The following GRIN2A variants were observed in gnomAD, a reference collection of about 807,000 sequenced individuals.
GRIN2A encodes the protein glutamate receptor ionotropic, NMDA 2A.
Under a neutral mutation model 113.4 loss-of-function variants are expected in GRIN2A, and 22 were observed. The ratio of observed to expected loss-of-function variants is 0.19; its 90% CI spans 0.14 to 0.28. GRIN2A has a LOEUF of 0.28. GRIN2A is among the 10% of genes least tolerant of loss of function. The pLI, the probability that GRIN2A is intolerant of heterozygous loss-of-function variation, is 1.00. For missense variants in GRIN2A, 1,502 were observed against 1,887.0 expected (o/e 0.80, Z 3.78); for synonymous variants, 827 against 738.4 (o/e 1.12, Z -1.94).
Position 9,918,898 on chromosome 16 carries a change from C to T in GRIN2A, c.1007+19061G>A, listed in dbSNP as rs550567936. On this transcript the variant is annotated intron_variant, in intron 3 of 12. Coordinates refer to ENST00000330684, the MANE Select transcript of GRIN2A (RefSeq NM_001134407.3). Reference sequence around the variant, plus strand: ...TGGTTAATGTCTGAAATTGGAGCGGCGCGGTGGCTCATGCCTGTAATCCCA... The same window carrying T: ...TGGTTAATGTCTGAAATTGGAGCGGTGCGGTGGCTCATGCCTGTAATCCCA... Among the ~76,000 whole-genome samples the T allele has an allele frequency of 8.6e-5, 13 of 151,818 alleles. No homozygotes were observed. In the East Asian group the frequency reaches 1.4e-3, roughly 16 times the overall value.
At position 9,762,671 on chromosome 16, in the gene GRIN2A, C is replaced by T; in HGVS notation, c.*478G>A. On this transcript the variant is annotated 3_prime_UTR_variant, in exon 13 of 13. Transcript: ENST00000330684. Reference sequence around the variant, plus strand: ...TGCACATGTCAATCGCACTACAGTGCAGATGCATTCTTAACTGTTTTTATT... The same window carrying T: ...TGCACATGTCAATCGCACTACAGTGTAGATGCATTCTTAACTGTTTTTATT... The T allele has an allele frequency of 3.6e-6, 1 of 280,342 alleles. No homozygotes were observed. The highest frequency in any genetic ancestry group is 6.8e-6 in the Non-Finnish European group (1 of 146,846). The allele number at this position is 280,342 out of a possible 1,614,324, so 17.4% of individuals were successfully genotyped here. A position where few individuals can be genotyped will look rare whatever the true frequency, so the allele number is the denominator to read the frequency against.
Position 10,177,495 on chromosome 16 carries a change from C to T in GRIN2A, c.414+2503G>A, listed in dbSNP as rs190367674. Reference sequence around the variant, plus strand: ...ACAATCAGGAGTATCGAATCCCCTCCTCCATTTTTGAACCAATGGACCCTT... The same window carrying T: ...ACAATCAGGAGTATCGAATCCCCTCTTCCATTTTTGAACCAATGGACCCTT... On this transcript the variant is annotated intron_variant, in intron 2 of 12. Coordinates refer to ENST00000330684, the MANE Select transcript of GRIN2A (RefSeq NM_001134407.3). 8.6e-4 allele frequency among the ~76,000 whole-genome samples: 131 copies of T among 152,326 alleles called. 4 individuals are homozygous for T. In the East Asian group the frequency reaches 0.024, roughly 27 times the overall value.
intron 2 of GRIN2A, among the ~76,000 whole-genome samples, chr16:10,164,748 T>G (rs1023412109): frequency 1.3e-5 from 2 of 152,318 alleles, no homozygotes; most frequent in Admixed American, 6.5e-5. Context: ...TCTGAGGTTT[T>G]CCATTTACAC....
chr16:9,967,867 T>C (rs2045586831), intron 2 of GRIN2A, among the ~76,000 whole-genome samples: 1 of 152,142 alleles, frequency 6.6e-6, no homozygotes, highest in Non-Finnish European at 1.5e-5. Flanking sequence ...CAAAAGCACC[T>C]GTACCCCAAA....
At chr16:9,845,532 C>T (rs2042756816) in intron 5 of GRIN2A, among the ~76,000 whole-genome samples, 1 of 152,080 alleles carries the variant, frequency 6.6e-6, no homozygotes, top group African/African-American at 2.4e-5. Flanking sequence ...CAAAGAACAC[C>T]CACCCAAATT....
Position 9,756,439 on chromosome 16 carries a change from A to G in GRIN2A, c.*6710T>C. ...AGACCCTAACAGACTTCCCTGTCAC[A>G]GAGGCTGATACTCAAGGGTATATGC... On this transcript the variant is annotated 3_prime_UTR_variant, in exon 13 of 13. Transcript: ENST00000330684. 4.3e-6 allele frequency: 1 copy of G among 230,236 alleles called. No homozygotes were observed. Among genetic ancestry groups the G allele is most frequent in the Non-Finnish European group, 8.6e-6 (1 of 116,050 alleles). The allele number at this position is 230,236 out of a possible 1,614,324, so 14.3% of individuals were successfully genotyped here.
chr16:9,948,284 A>G (rs183097290), intron 2 of GRIN2A, among the ~76,000 whole-genome samples: 13 of 152,340 alleles, frequency 8.5e-5, no homozygotes, highest in Non-Finnish European at 1.5e-4. Context: ...GTTGGGGCTT[A>G]GAGAGAGGCA....
At chr16:10,071,149 A>G (rs2142030681) in intron 2 of GRIN2A, among the ~76,000 whole-genome samples, 1 of 152,370 alleles carries the variant, frequency 6.6e-6, no homozygotes, top group Middle Eastern at 3.4e-3. Context: ...AACCATGCCT[A>G]GCACATGGCT....
At chr16:10,181,127 G>A (rs2050262128) in intron 1 of GRIN2A, among the ~76,000 whole-genome samples, 2 of 65,666 alleles carry the variant, frequency 3.0e-5, no homozygotes, top group South Asian at 9.9e-4. Context: ...GGGAACTTGG[G>A]GCTCGCCCCA....
intron 3 of GRIN2A, among the ~76,000 whole-genome samples, chr16:9,935,013 C>T (rs567843159): frequency 9.2e-5 from 14 of 152,090 alleles, no homozygotes; most frequent in Admixed American, 6.5e-5. Context: ...TGTTTAAAGG[C>T]GTAACTTTGG....
chr16:9,919,984 C>T (rs1436052327), intron 3 of GRIN2A, among the ~76,000 whole-genome samples: 1 of 152,228 alleles, frequency 6.6e-6, no homozygotes, highest in Admixed American at 6.5e-5. Context: ...AATAACCATC[C>T]TTCAGTCTCC....
intron 2 of GRIN2A, among the ~76,000 whole-genome samples, chr16:10,021,885 C>T (rs919517589): frequency 1.3e-5 from 2 of 152,142 alleles, no homozygotes. Context: ...TCTCAGTGGA[C>T]TCTCTGCCCC....
At chr16:9,790,527 CATATTGCAT>C (rs1236498575) in intron 11 of GRIN2A, among the ~76,000 whole-genome samples, 1 of 152,172 alleles carries the variant, frequency 6.6e-6, no homozygotes, top group East Asian at 1.9e-4. Context: ...GCCTCATATG[CATATTGCAT>C]ATATTGCATT....
chr16:10,120,668 G>A (rs1369175216), intron 2 of GRIN2A, among the ~76,000 whole-genome samples: 1 of 152,140 alleles, frequency 6.6e-6, no homozygotes, highest in Non-Finnish European at 1.5e-5. Context: ...AAACACACAG[G>A]AAAACAGATC....
At chr16:10,125,631 GAAAAA>G (rs79695852) in intron 2 of GRIN2A, among the ~76,000 whole-genome samples, 5 of 132,052 alleles carry the variant, frequency 3.8e-5, no homozygotes, top group Non-Finnish European at 4.7e-5. Context: ...ATGGTGGGAG[GAAAAA>G]AAAAAAAAAA....
intron 5 of GRIN2A, among the ~76,000 whole-genome samples, chr16:9,848,486 G>GATT (rs2042815573): frequency 6.6e-6 from 1 of 151,030 alleles, no homozygotes; most frequent in Non-Finnish European, 1.5e-5. Context: ...AAAGTGCTGA[G>GATT]ATTATAGATG....
Position 9,946,644 on chromosome 16 carries a change from T to C in GRIN2A, c.415-8093A>G, listed in dbSNP as rs74341156. ...TCTCTCAGTCAAGCCAATTGGCCCA[T>C]AGTGCCAGTAATTAATTCGGGGGTG... On this transcript the variant is annotated intron_variant, in intron 2 of 12. Transcript: ENST00000330684. 8.0e-3 allele frequency among the ~76,000 whole-genome samples: 1,213 copies of C among 152,290 alleles called. 6 individuals are homozygous for C. Among genetic ancestry groups the C allele is most frequent in the Non-Finnish European group, 0.012 (844 of 68,012 alleles).
intron 3 of GRIN2A, among the ~76,000 whole-genome samples, chr16:9,935,824 C>A (rs1473899790): frequency 6.6e-6 from 1 of 152,124 alleles, no homozygotes; most frequent in African/African-American, 2.4e-5. Flanking sequence ...GCCTCAGCCT[C>A]ATGAGTAGCT....
intron 10 of GRIN2A, among the ~76,000 whole-genome samples, chr16:9,819,955 G>C (rs1202368579): frequency 7.8e-6 from 1 of 128,368 alleles, no homozygotes; most frequent in Non-Finnish European, 1.6e-5. Flanking sequence ...AAAAAGACTT[G>C]TACTCCTTCA....
Sources: allele counts gnomAD v4.1 joint callset (sites outside exome capture counted in the v4.1 genomes callset), GRCh38; gene constraint gnomAD v4.1.1; transcripts MANE v1.5; gene names NCBI Gene and HGNC (gene_info 2026-07-23, HGNC 2026-07-21).